Variants in ITGB5 observed in about 807,000 individuals in gnomAD.
ITGB5 encodes integrin subunit beta 5, also known as integrin beta-5.
In ITGB5, 38 loss-of-function variants were observed where a neutral mutation model predicts 84.8. The ratio of observed to expected loss-of-function variants is 0.45; its 90% CI spans 0.35 to 0.59. ITGB5 has a LOEUF of 0.59. Ranked by LOEUF, ITGB5 falls within the 20% of genes least tolerant of loss-of-function variation. The pLI, the probability that ITGB5 is intolerant of heterozygous loss-of-function variation, is 0.01. For missense variants in ITGB5, 905 were observed against 1,034.5 expected (o/e 0.87, Z 1.72); for synonymous variants, 393 against 414.4 (o/e 0.95, Z 0.63).
intron 5 of ITGB5, among the ~76,000 whole-genome samples, chr3:124,839,224 TAAGCC>T (rs1559961961): frequency 6.6e-6 from 1 of 152,224 alleles, no homozygotes; most frequent in East Asian, 1.9e-4. Flanking sequence ...TCAACAGGTA[TAAGCC>T]TGAAACTTGC....
intron 12 of ITGB5, among the ~76,000 whole-genome samples, chr3:124,767,662 C>T (rs1180546892): frequency 6.6e-6 from 1 of 152,200 alleles, no homozygotes; most frequent in Non-Finnish European, 1.5e-5. Context: ...GGCAGGAAGA[C>T]AGGCATGTGA....
intron 9 of ITGB5, among the ~76,000 whole-genome samples, chr3:124,797,339 G>A (rs1223787188): frequency 5.3e-5 from 8 of 152,180 alleles, no homozygotes; most frequent in Non-Finnish European, 8.8e-5. Flanking sequence ...GTGCCTGCTG[G>A]CAAAGGGCTC....
At position 124,796,742 on chromosome 3, in the gene ITGB5, C is replaced by T. The variant is rs143014257; in HGVS notation, c.1339G>A (p.Val447Met). 8.1e-6 allele frequency: 13 copies of T among 1,614,018 alleles called. No individual in the cohort carries two copies. In the African/African-American group the frequency reaches 1.3e-4, roughly 17 times the overall value. The change falls in exon 10 of 15, where the codon GTG becomes ATG. Residue 447 changes from valine (V) to methionine (M), a missense_variant. Transcript: ENST00000296181. Reference sequence around the variant, plus strand: ...ACCTCCAGGCTGTCCCGGAATCCCACCGGCCGCAGGGCAAACACATGCTCC... The same window carrying T: ...ACCTCCAGGCTGTCCCGGAATCCCATCGGCCGCAGGGCAAACACATGCTCC... ...HTEHVFALRP[V>M]GFRDSLEVGV...
intron 3 of ITGB5, among the ~76,000 whole-genome samples, chr3:124,850,879 G>A (rs554379521): frequency 6.6e-6 from 1 of 152,212 alleles, no homozygotes; most frequent in South Asian, 2.1e-4. Flanking sequence ...GCAGGGAAGA[G>A]GGGGGAGTTG....
At position 124,821,494 on chromosome 3, in the gene ITGB5, T is replaced by C. The variant is rs1167361766; in HGVS notation, c.781-20A>G. On this transcript the variant is annotated intron_variant, in intron 5 of 14. Coordinates refer to ENST00000296181, the MANE Select transcript of ITGB5 (RefSeq NM_002213.5). Reference sequence around the variant, plus strand: ...CTTCTCCTGAAGGACAGAAGGTGGATGGGTACACCAGTCTTTCTGCCCAGT... The same window carrying C: ...CTTCTCCTGAAGGACAGAAGGTGGACGGGTACACCAGTCTTTCTGCCCAGT... 1.9e-6 allele frequency: 3 copies of C among 1,613,248 alleles called. No homozygotes were observed. The highest frequency in any genetic ancestry group is 1.7e-6 in the Non-Finnish European group (2 of 1,179,656).
chr3:124,829,967 C>A (rs1296031912), intron 5 of ITGB5, among the ~76,000 whole-genome samples: 1 of 152,176 alleles, frequency 6.6e-6, no homozygotes, highest in Non-Finnish European at 1.5e-5. Flanking sequence ...GATGGAAGAC[C>A]AGCCCTTCCC....
chr3:124,873,133 G>A (rs1934136512), intron 2 of ITGB5, among the ~76,000 whole-genome samples: 2 of 152,100 alleles, frequency 1.3e-5, no homozygotes, highest in African/African-American at 4.8e-5. Flanking sequence ...ACAAGCTCAG[G>A]TCTTTTGGAG....
chr3:124,764,516 C>T lies in ITGB5; in HGVS notation c.2179G>A (p.Val727Met). 6.2e-7 allele frequency: 1 copy of T among 1,613,938 alleles called. No individual in the cohort carries two copies. The highest frequency in any genetic ancestry group is 8.5e-7 in the Non-Finnish European group (1 of 1,179,888). ...CCAACAAGGAGGATGCTACCGACCA[C>T]AGCCAGGAGGATGGTCATGGCGTTG... ...TPNAMTILLA[V>M]VGSILLVGLA... Residue 727 changes from valine (V) to methionine (M), a missense_variant, in exon 14 of 15, where the codon GTG becomes ATG. Val to Met is a conservative substitution (Grantham distance 21). Coordinates refer to ENST00000296181, the MANE Select transcript of ITGB5 (RefSeq NM_002213.5).
At chr3:124,845,785 C>G (rs2065068649) in intron 4 of ITGB5, among the ~76,000 whole-genome samples, 1 of 151,908 alleles carries the variant, frequency 6.6e-6, no homozygotes, top group South Asian at 2.1e-4. Flanking sequence ...GAGACAGGGC[C>G]CAATTAGGAC....
chr3:124,798,233 A>G (rs1423309318), intron 9 of ITGB5, among the ~76,000 whole-genome samples: 8 of 151,356 alleles, frequency 5.3e-5, no homozygotes, highest in Non-Finnish European at 7.4e-5. Flanking sequence ...TTGTATTTTT[A>G]GTAGAGATGG....
intron 1 of ITGB5, among the ~76,000 whole-genome samples, chr3:124,881,743 A>G (rs928640037): frequency 6.6e-6 from 1 of 152,022 alleles, no homozygotes; most frequent in Non-Finnish European, 1.5e-5. Context: ...CAAGGTGGGC[A>G]GATCACCTGA....
At chr3:124,790,491 G>A (rs531884116) in intron 10 of ITGB5, among the ~76,000 whole-genome samples, 14 of 148,468 alleles carry the variant, frequency 9.4e-5, no homozygotes, top group Admixed American at 6.7e-4. Flanking sequence ...TATCAGAACC[G>A]CCTTTGACTA....
intron 1 of ITGB5, among the ~76,000 whole-genome samples, chr3:124,880,811 C>T (rs983829844): frequency 4.6e-5 from 7 of 151,716 alleles, no homozygotes; most frequent in African/African-American, 1.7e-4. Context: ...TGCCTGTGAT[C>T]CCAGCTACTT....
chr3:124,863,925 AT>A (rs1379660959), intron 2 of ITGB5, among the ~76,000 whole-genome samples: 1 of 151,638 alleles, frequency 6.6e-6, no homozygotes, highest in Non-Finnish European at 1.5e-5. Context: ...GTATACAAAC[AT>A]TATAAATCTG....
chr3:124,899,853 C>CA (rs60859904), intron 1 of ITGB5, among the ~76,000 whole-genome samples: 24,898 of 35,008 alleles, frequency 0.71, 11,847 homozygotes, highest in Non-Finnish European at 0.78. Flanking sequence ...GACCCTGTCT[C>CA]AAAAAAAAAA....
chr3:124,887,437 T>C, upstream of ITGB5: 1 of 160,882 alleles, frequency 6.2e-6, no homozygotes, highest in Non-Finnish European at 1.4e-5. Context: ...TCCTTTCTCC[T>C]CCCCTTCTCT....
At chr3:124,897,841 G>A (rs1188490493) in intron 1 of ITGB5, among the ~76,000 whole-genome samples, 1 of 152,164 alleles carries the variant, frequency 6.6e-6, no homozygotes, top group Non-Finnish European at 1.5e-5. Context: ...AGACTAGAGA[G>A]CTGTTCACAA....
intron 9 of ITGB5, among the ~76,000 whole-genome samples, chr3:124,799,872 C>A (rs919086446): frequency 1.3e-5 from 2 of 152,176 alleles, no homozygotes; most frequent in Admixed American, 6.5e-5. Context: ...ACTAAAGGGA[C>A]CCCTTGATGG....
At chr3:124,867,680 G>A (rs540491694) in intron 2 of ITGB5, among the ~76,000 whole-genome samples, 25 of 152,204 alleles carry the variant, frequency 1.6e-4, no homozygotes, top group Non-Finnish European at 3.2e-4. Context: ...TTAGGCAACA[G>A]TGCTAGTAGG....
Sources: allele counts gnomAD v4.1 joint callset (sites outside exome capture counted in the v4.1 genomes callset), GRCh38; gene constraint gnomAD v4.1.1; transcripts MANE v1.5; gene names NCBI Gene and HGNC (gene_info 2026-07-23, HGNC 2026-07-21).